The following PIGL variants were observed in gnomAD, a reference collection of about 807,000 sequenced individuals.
The protein encoded by PIGL is N-acetylglucosaminyl-phosphatidylinositol de-N-acetylase.
In PIGL, 22 loss-of-function variants were observed where a neutral mutation model predicts 31.1. The observed-to-expected ratio is 0.71, with a 90% CI of 0.51 to 1.01. The LOEUF is 1.01. Ranked by LOEUF, PIGL falls within the 50% of genes least tolerant of loss-of-function variation. The pLI is 0.00. For synonymous variants in PIGL, 131 were observed against 117.4 expected (o/e 1.12, Z -0.75); for missense variants, 302 against 315.9 (o/e 0.96, Z 0.33).
chr17:16,232,269 A>C (rs973976956), intron 1 of PIGL, among the ~76,000 whole-genome samples: 7 of 151,896 alleles, frequency 4.6e-5, no homozygotes, highest in African/African-American at 1.5e-4. Flanking sequence ...CAAGAGCAAA[A>C]CTCTGTCTCA....
rs903596373 is a variant in PIGL at position 16,237,061 on chromosome 17, C to CCGAGTAACTG, written c.335+2992_335+3001dup. 1.2e-4 allele frequency among the ~76,000 whole-genome samples: 18 copies of CCGAGTAACTG among 151,424 alleles called. 1 individual carries two copies. Among genetic ancestry groups the CCGAGTAACTG allele is most frequent in the African/African-American group, 4.1e-4 (17 of 41,136 alleles). ...CAGGCAATCCTCCTGTGTCAGCCTC[C>CCGAGTAACTG]CGAGTAACTGGGACTACAGGCACTC... On this transcript the variant is annotated intron_variant, in intron 2 of 6. Coordinates refer to ENST00000225609, the MANE Select transcript of PIGL (RefSeq NM_004278.4).
chr17:16,296,853 A>G (rs1171043641), intron 2 of PIGL, among the ~76,000 whole-genome samples: 1 of 151,478 alleles, frequency 6.6e-6, no homozygotes, highest in Non-Finnish European at 1.5e-5. Flanking sequence ...AGTAGCTGGG[A>G]CTACAGGCGC....
chr17:16,307,888 G>A (rs1308822130), intron 3 of PIGL, among the ~76,000 whole-genome samples: 2 of 150,106 alleles, frequency 1.3e-5, no homozygotes, highest in African/African-American at 2.5e-5. Flanking sequence ...GGATTTCAAG[G>A]AGCCCAGGGG....
In PIGL at chr17:16,299,930, C is replaced by T. The variant is rs2092997334; in HGVS notation, c.378C>T (p.His126=). ...DDPGMQWDTE[H]VARVLLQHIE... ...CAGGCATGCAGTGGGACACAGAGCA[C>T]GTGGCCAGAGTCCTCCTTCAGCACA... Residue 126 remains histidine, a synonymous_variant, in exon 3 of 7, where the codon CAC becomes CAT. Coordinates refer to ENST00000225609, the MANE Select transcript of PIGL (RefSeq NM_004278.4). The T allele has an allele frequency of 2.5e-6, 4 of 1,613,940 alleles. No homozygotes were observed. The highest frequency in any genetic ancestry group is 2.7e-5 in the African/African-American group (2 of 74,924).
At chr17:16,322,025 C>A (rs916088847) in intron 6 of PIGL, among the ~76,000 whole-genome samples, 2 of 152,112 alleles carry the variant, frequency 1.3e-5, no homozygotes, top group Non-Finnish European at 2.9e-5. Context: ...CTCAGGTGAT[C>A]GCCCACCTCA....
intron 3 of PIGL, among the ~76,000 whole-genome samples, chr17:16,302,711 T>C (rs914958994): frequency 1.3e-5 from 2 of 152,160 alleles, no homozygotes; most frequent in East Asian, 1.9e-4. Flanking sequence ...GTGATTCTCC[T>C]GCCTCAGCCT....
chr17:16,289,340 A>G (rs896852107), intron 2 of PIGL, among the ~76,000 whole-genome samples: 1 of 152,232 alleles, frequency 6.6e-6, no homozygotes, highest in Non-Finnish European at 1.5e-5. Flanking sequence ...TGCAATCTCT[A>G]GTTATCTTCG....
chr17:16,318,208 C>T (rs1216632352), intron 6 of PIGL, among the ~76,000 whole-genome samples: 1 of 151,484 alleles, frequency 6.6e-6, no homozygotes, highest in Non-Finnish European at 1.5e-5. Flanking sequence ...AAAATAAGAA[C>T]AATTACCTGC....
At chr17:16,319,216 C>A (rs1215974570) in intron 6 of PIGL, among the ~76,000 whole-genome samples, 1 of 114,694 alleles carries the variant, frequency 8.7e-6, no homozygotes, top group Non-Finnish European at 1.8e-5. Flanking sequence ...CAGAGCCAGA[C>A]CCTAGCCAAA....
At chr17:16,298,270 A>T (rs559227521) in intron 2 of PIGL, among the ~76,000 whole-genome samples, 8 of 152,310 alleles carry the variant, frequency 5.3e-5, no homozygotes, top group Non-Finnish European at 1.0e-4. Flanking sequence ...GGGGCCAGTT[A>T]ATGACCTTTG....
In PIGL at chr17:16,219,758, G is replaced by A. The variant is rs1338320166; in HGVS notation, c.235+2297G>A. On this transcript the variant is annotated intron_variant, in intron 1 of 6. Coordinates refer to ENST00000225609, the MANE Select transcript of PIGL (RefSeq NM_004278.4). ...TTTTTGTATTTTTGGTAGAGCTGAG[G>A]TTTTGCTGGGATAGCCAGGCTAGTC... Among the ~76,000 whole-genome samples the A allele has an allele frequency of 2.6e-5, 4 of 151,612 alleles. No homozygotes were observed. The East Asian group carries it at 7.9e-4, about 30-fold the overall frequency.
At chr17:16,226,002 G>C (rs1227593718) in intron 1 of PIGL, among the ~76,000 whole-genome samples, 1 of 146,344 alleles carries the variant, frequency 6.8e-6, no homozygotes, top group Non-Finnish European at 1.5e-5. Context: ...AGCCAGACCA[G>C]GAAAAAAAAA....
intron 2 of PIGL, among the ~76,000 whole-genome samples, chr17:16,282,411 G>GT (rs1272093196): frequency 1.0e-4 from 15 of 150,302 alleles, no homozygotes; most frequent in East Asian, 3.9e-4. Context: ...TAATTGGTCT[G>GT]TTTTTTTTTC....
intron 2 of PIGL, among the ~76,000 whole-genome samples, chr17:16,263,651 G>A (rs1015732837): frequency 6.6e-6 from 1 of 150,836 alleles, no homozygotes; most frequent in African/African-American, 2.4e-5. Flanking sequence ...AGCCTCCCAA[G>A]TAGCTGGGAC....
intron 6 of PIGL, among the ~76,000 whole-genome samples, chr17:16,321,373 T>TG (rs2093105263): frequency 6.6e-6 from 1 of 151,846 alleles, no homozygotes; most frequent in Non-Finnish European, 1.5e-5. Flanking sequence ...CCCGAGTAGC[T>TG]GGGATTACAG....
At chr17:16,290,274 G>C (rs2092954949) in intron 2 of PIGL, among the ~76,000 whole-genome samples, 1 of 151,754 alleles carries the variant, frequency 6.6e-6, no homozygotes, top group South Asian at 2.1e-4. Context: ...TTAGAAATGG[G>C]GTTTCCACAT....
intron 3 of PIGL, among the ~76,000 whole-genome samples, chr17:16,307,982 C>T (rs1165531440): frequency 6.8e-6 from 1 of 147,622 alleles, no homozygotes; most frequent in South Asian, 2.1e-4. Flanking sequence ...AAAAAAAAAG[C>T]CTGGATGCAG....
At chr17:16,228,952 T>G (rs75141200) in intron 1 of PIGL, among the ~76,000 whole-genome samples, 10 of 152,280 alleles carry the variant, frequency 6.6e-5, no homozygotes, top group African/African-American at 2.4e-4. Flanking sequence ...TTTTCAAAGT[T>G]CATCCATATT....
intron 2 of PIGL, among the ~76,000 whole-genome samples, chr17:16,287,483 A>G (rs75592680): frequency 0.011 from 1,664 of 152,332 alleles, 40 homozygotes; most frequent in African/African-American, 0.037. Flanking sequence ...ACAGTCCCCA[A>G]TAAAGTACAC....
Sources: gnomAD v4.1 joint callset for allele counts (sites outside exome capture counted in the v4.1 genomes callset) on GRCh38, gnomAD v4.1.1 for gene constraint, MANE v1.5 for transcripts, NCBI Gene and HGNC (gene_info 2026-07-23, HGNC 2026-07-21) for gene names.